CPED1: variants seen among roughly 807,000 people sequenced by gnomAD.
CPED1 encodes the protein cadherin-like and PC-esterase domain-containing protein 1.
A neutral mutation model predicts 128.2 loss-of-function variants in CPED1; 114 were observed. That is an observed-to-expected ratio of 0.89 (90% confidence interval 0.76 to 1.04). CPED1 has a LOEUF of 1.04. Among genes scored for constraint, CPED1 ranks in the 50% least tolerant of loss-of-function variants. The pLI is 0.00. For synonymous variants in CPED1, 462 were observed against 426.7 expected, an observed-to-expected ratio of 1.08 and a Z score of -1.02; for missense variants, 1,211 against 1,207.1, an observed-to-expected ratio of 1.00 and a Z score of -0.05.
At chr7:121,094,884 A>G (rs1425509814) in intron 5 of CPED1, among the ~76,000 whole-genome samples, 2 of 152,186 alleles carry the variant, frequency 1.3e-5, no homozygotes, top group Non-Finnish European at 2.9e-5. Context: ...TACTGATCAT[A>G]AAGTTACAGG....
intron 16 of CPED1, among the ~76,000 whole-genome samples, 177 bp downstream of exon 16, chr7:121,142,318 T>C (rs1280897933): frequency 6.6e-6 from 1 of 152,018 alleles, no homozygotes; most frequent in Non-Finnish European, 1.5e-5. Context: ...TTGTGAGTGA[T>C]TTTCTTTTTA....
At chr7:121,180,494 T>C (rs534939440) in intron 16 of CPED1, among the ~76,000 whole-genome samples, 1 of 152,184 alleles carries the variant, frequency 6.6e-6, no homozygotes, top group South Asian at 2.1e-4. Context: ...GAAATAATTA[T>C]TTTAATACAT....
At chr7:121,078,486 G>C (rs1449022452) in intron 5 of CPED1, among the ~76,000 whole-genome samples, 1 of 19,848 alleles carries the variant, frequency 5.0e-5, no homozygotes, top group Admixed American at 9.0e-4. Flanking sequence ...TCTCTGGAAA[G>C]AAAGAAAGAA....
At chr7:121,136,490 C>T (rs1415321760) in intron 14 of CPED1, among the ~76,000 whole-genome samples, 1 of 152,030 alleles carries the variant, frequency 6.6e-6, no homozygotes, top group Non-Finnish European at 1.5e-5. Context: ...TTCTTTGTAA[C>T]AGTTGAGAGT....
intron 18 of CPED1, chr7:121,261,788 G>T: frequency 1.3e-6 from 2 of 1,500,012 alleles, no homozygotes; most frequent in Non-Finnish European, 1.8e-6. Flanking sequence ...ACTTTAATTG[G>T]GTTTGACCTA....
chr7:121,150,344 C>T (rs1796129090), intron 16 of CPED1, among the ~76,000 whole-genome samples: 1 of 151,796 alleles, frequency 6.6e-6, no homozygotes, highest in Admixed American at 6.6e-5. Flanking sequence ...GGATGATGGC[C>T]TCCAGCTGCA....
At chr7:121,289,402 T>C (rs865883728) in intron 22 of CPED1, among the ~76,000 whole-genome samples, 49 of 152,310 alleles carry the variant, frequency 3.2e-4, no homozygotes, top group South Asian at 6.2e-4. Flanking sequence ...GTTACAAGAA[T>C]ACATTAAAAA....
intron 5 of CPED1, among the ~76,000 whole-genome samples, chr7:121,075,880 C>A (rs918234582): frequency 2.0e-5 from 3 of 152,004 alleles, no homozygotes; most frequent in African/African-American, 7.3e-5. Flanking sequence ...AAAATCGTTG[C>A]AAATTTCCAA....
intron 5 of CPED1, among the ~76,000 whole-genome samples, chr7:121,079,387 G>A (rs978698047): frequency 7.9e-5 from 12 of 152,244 alleles, no homozygotes; most frequent in African/African-American, 2.9e-4. Context: ...TTAGGCAGAT[G>A]TAGTCCTTTC....
chr7:121,129,336 C>CAT (rs1795605754), intron 11 of CPED1, among the ~76,000 whole-genome samples: 3 of 105,424 alleles, frequency 2.8e-5, no homozygotes, highest in African/African-American at 1.2e-4. Flanking sequence ...TATATATATA[C>CAT]GTATATATAT....
At chr7:121,279,431 G>C (rs1025436345) in intron 22 of CPED1, among the ~76,000 whole-genome samples, 1 of 151,218 alleles carries the variant, frequency 6.6e-6, no homozygotes, top group African/African-American at 2.4e-5. Context: ...AAGACATAAA[G>C]CTACTCACTC....
rs556243500 is a variant in CPED1 at position 121,018,099 on chromosome 7, A to T, written c.433+2251A>T. Among the ~76,000 whole-genome samples the T allele has an allele frequency of 1.1e-3, 163 of 152,242 alleles. 3 individuals carry two copies. In the Middle Eastern group the frequency reaches 0.027, roughly 25 times the overall value. On this transcript the variant is annotated intron_variant, in intron 3 of 22. Transcript: ENST00000310396. Reference sequence around the variant, plus strand: ...TTTTTGTTTTTTTATTTGATTTTGTAGTTTTTACTATGAGAACAATATGCA... The same window carrying T: ...TTTTTGTTTTTTTATTTGATTTTGTTGTTTTTACTATGAGAACAATATGCA...
chr7:121,093,853 T>C (rs931414003), intron 5 of CPED1, among the ~76,000 whole-genome samples: 17 of 152,134 alleles, frequency 1.1e-4, no homozygotes, highest in African/African-American at 4.1e-4. Flanking sequence ...CCCTTGTTGA[T>C]TTTCCTGAAC....
At chr7:121,011,236 G>C (rs1242895271) in intron 2 of CPED1, among the ~76,000 whole-genome samples, 3 of 151,540 alleles carry the variant, frequency 2.0e-5, no homozygotes, top group African/African-American at 7.3e-5. Context: ...TTATTTTTCA[G>C]CCTTACTATA....
chr7:121,261,374 A>T (rs1261870086), intron 18 of CPED1, among the ~76,000 whole-genome samples: 1 of 152,050 alleles, frequency 6.6e-6, no homozygotes, highest in Non-Finnish European at 1.5e-5. Context: ...AGGTGGAAAA[A>T]TCTGAACAGA....
intron 7 of CPED1, among the ~76,000 whole-genome samples, chr7:121,110,401 G>A (rs895873786): frequency 6.6e-6 from 1 of 152,156 alleles, no homozygotes; most frequent in African/African-American, 2.4e-5. Context: ...AGAATGAAAT[G>A]AACAGGATGG....
At chr7:121,014,421 G>T (rs916299915) in intron 2 of CPED1, among the ~76,000 whole-genome samples, 6 of 151,736 alleles carry the variant, frequency 4.0e-5, no homozygotes, top group Non-Finnish European at 5.9e-5. Context: ...CGTGGTGGCG[G>T]GTGCCTGTAG....
chr7:121,114,793 A>T (rs927299338), intron 7 of CPED1, among the ~76,000 whole-genome samples: 8 of 152,246 alleles, frequency 5.3e-5, no homozygotes, highest in African/African-American at 1.9e-4. Flanking sequence ...TTTTAAAAAA[A>T]GTTTAAGAAT....
At chr7:121,111,710 TAAAA>T (rs75662830) in intron 7 of CPED1, among the ~76,000 whole-genome samples, 26,423 of 151,724 alleles carry the variant, frequency 0.17, 3,020 homozygotes, top group Non-Finnish European at 0.25. Context: ...GCACTGAAAA[TAAAA>T]AAGAAAAAAC....
Sources: allele counts gnomAD v4.1 joint callset (sites outside exome capture counted in the v4.1 genomes callset), GRCh38; gene constraint gnomAD v4.1.1; transcripts MANE v1.5; gene names NCBI Gene and HGNC (gene_info 2026-07-23, HGNC 2026-07-21).